Variants in RANBP2 observed in about 807,000 individuals in gnomAD.
The protein encoded by RANBP2 is E3 SUMO-protein ligase RanBP2.
RANBP2 carries 57 observed loss-of-function variants against 303.6 expected under a neutral mutation model. The observed-to-expected ratio is 0.19, with a 90% CI of 0.15 to 0.23. RANBP2 has a LOEUF of 0.23. RANBP2 is among the 10% of genes least tolerant of loss of function. RANBP2 has a pLI of 1.00. For synonymous variants in RANBP2, 1,167 were observed against 1,301.5 expected (o/e 0.90, Z 2.23); for missense variants, 3,138 against 3,780.8 (o/e 0.83, Z 4.46).
the RANBP2 span, among the ~76,000 whole-genome samples, chr2:109,425,680 G>T: frequency 6.8e-6 from 1 of 146,454 alleles, no homozygotes; most frequent in African/African-American, 2.6e-5. Flanking sequence ...TAAGTCCATT[G>T]TCAAGACCTA....
chr2:109,130,024 G>A, the RANBP2 span: 189 of 1,328,028 alleles, frequency 1.4e-4, no homozygotes, highest in Admixed American at 1.4e-3. Flanking sequence ...CAGCACCCCG[G>A]GTTCCCCGGT....
At chr2:108,952,077 G>A in the RANBP2 span, among the ~76,000 whole-genome samples, 57 of 152,116 alleles carry the variant, frequency 3.7e-4, no homozygotes, top group Non-Finnish European at 6.6e-4. Flanking sequence ...TTTGTTTGAC[G>A]GAAGGTCAAA....
chr2:109,302,505 T>G, the RANBP2 span, among the ~76,000 whole-genome samples: 1 of 152,366 alleles, frequency 6.6e-6, no homozygotes, highest in East Asian at 1.9e-4. Flanking sequence ...GGGCTCTGCC[T>G]GCACCGAAGA....
At chr2:109,127,014 C>T in the RANBP2 span, among the ~76,000 whole-genome samples, 2 of 152,314 alleles carry the variant, frequency 1.3e-5, no homozygotes, top group South Asian at 4.1e-4. Context: ...CTCATGTGAA[C>T]ATGTTTCCAT....
chr2:109,016,418 C>T, the RANBP2 span, among the ~76,000 whole-genome samples: 1 of 152,130 alleles, frequency 6.6e-6, no homozygotes, highest in Non-Finnish European at 1.5e-5. Flanking sequence ...CAACCTTCCC[C>T]CTTTCCTTCC....
chr2:109,474,519 G>A, the RANBP2 span, among the ~76,000 whole-genome samples: 3 of 152,340 alleles, frequency 2.0e-5, no homozygotes, highest in African/African-American at 7.2e-5. Context: ...GAGGCCCTCA[G>A]TTGGCCTGAG....
At chr2:109,221,396 A>C in the RANBP2 span, among the ~76,000 whole-genome samples, 1 of 152,196 alleles carries the variant, frequency 6.6e-6, no homozygotes, top group African/African-American at 2.4e-5. Context: ...CAGCCTGGCC[A>C]ATATGGCAAA....
chr2:108,867,156 G>C, the RANBP2 span, among the ~76,000 whole-genome samples: 1 of 152,004 alleles, frequency 6.6e-6, no homozygotes, highest in Non-Finnish European at 1.5e-5. Context: ...GAAACCTGGG[G>C]CTCTGAGAAA....
At chr2:108,721,499 G>T (rs1558865834) in intron 1 of RANBP2, among the ~76,000 whole-genome samples, 1 of 152,102 alleles carries the variant, frequency 6.6e-6, no homozygotes, top group Non-Finnish European at 1.5e-5. Flanking sequence ...TGGATGCAGT[G>T]GCGCTATCTC....
chr2:109,238,761 C>G, the RANBP2 span, among the ~76,000 whole-genome samples: 518 of 152,252 alleles, frequency 3.4e-3, 4 homozygotes, highest in African/African-American at 0.012. Context: ...TGCTTGCATC[C>G]TCTGTGGCTC....
the RANBP2 span, among the ~76,000 whole-genome samples, chr2:109,462,689 G>A: frequency 1.3e-5 from 2 of 152,192 alleles, no homozygotes; most frequent in Non-Finnish European, 2.9e-5. Flanking sequence ...CTCTCCACAG[G>A]TCAGGAAACC....
At chr2:108,724,679 T>C (rs1363075873) in intron 1 of RANBP2, among the ~76,000 whole-genome samples, 1 of 152,172 alleles carries the variant, frequency 6.6e-6, no homozygotes, top group Non-Finnish European at 1.5e-5. Context: ...CTGGAGTTTC[T>C]CTAATTTTTC....
the RANBP2 span, among the ~76,000 whole-genome samples, chr2:109,591,755 G>A: frequency 2.6e-5 from 4 of 152,052 alleles, no homozygotes; most frequent in African/African-American, 9.6e-5. Flanking sequence ...AAAATTGGCC[G>A]AGTGTGGTGG....
the RANBP2 span, among the ~76,000 whole-genome samples, chr2:109,406,432 T>TAATAAGC: frequency 6.6e-6 from 1 of 152,096 alleles, no homozygotes; most frequent in Non-Finnish European, 1.5e-5. Flanking sequence ...CTATATCACG[T>TAATAAGC]AATAAGCAGC....
chr2:109,432,768 C>T, the RANBP2 span: 2 of 1,455,044 alleles, frequency 1.4e-6, no homozygotes, highest in East Asian at 2.4e-5. Context: ...GTCAGCCGGG[C>T]CCAGAAGGCA....
chr2:109,413,543 T>A, the RANBP2 span, among the ~76,000 whole-genome samples: 1 of 152,218 alleles, frequency 6.6e-6, no homozygotes, highest in Admixed American at 6.5e-5. Flanking sequence ...TCTGTGTCTC[T>A]GTGTCTTCCT....
chr2:109,097,864 T>G, the RANBP2 span, among the ~76,000 whole-genome samples: 3 of 152,174 alleles, frequency 2.0e-5, no homozygotes, highest in East Asian at 5.8e-4. Context: ...ATCTTAGGGA[T>G]CCTGCCTGCC....
the RANBP2 span, among the ~76,000 whole-genome samples, chr2:109,386,124 C>T: frequency 2.0e-5 from 3 of 152,302 alleles, no homozygotes; most frequent in South Asian, 6.2e-4. Flanking sequence ...CGTGCATAGA[C>T]CTTGAAAGAG....
At chr2:109,251,239 G>T in the RANBP2 span, among the ~76,000 whole-genome samples, 1 of 152,046 alleles carries the variant, frequency 6.6e-6, no homozygotes, top group Non-Finnish European at 1.5e-5. Flanking sequence ...CTTACCTTGG[G>T]TTATCCACCC....
Sources: gnomAD v4.1 joint callset for allele counts (sites outside exome capture counted in the v4.1 genomes callset) on GRCh38, gnomAD v4.1.1 for gene constraint, MANE v1.5 for transcripts, NCBI Gene and HGNC (gene_info 2026-07-23, HGNC 2026-07-21) for gene names.